Variants in ACLY observed in about 807,000 individuals in gnomAD.
ACLY encodes the protein ATP-citrate synthase.
Under a neutral mutation model 133.0 loss-of-function variants are expected in ACLY, and 41 were observed. The observed-to-expected ratio is 0.31, with a 90% confidence interval of 0.24 to 0.40. The LOEUF is 0.40. ACLY is among the 10% of genes least tolerant of loss of function. The pLI is 1.00. For synonymous variants in ACLY, 495 were observed against 549.3 expected (o/e 0.90, Z 1.38); for missense variants, 1,046 against 1,453.8 (o/e 0.72, Z 4.56).
intron 20 of ACLY, among the ~76,000 whole-genome samples, chr17:41,880,132 T>C (rs1555627072): frequency 6.6e-6 from 1 of 152,242 alleles, no homozygotes; most frequent in African/African-American, 2.4e-5. Context: ...TAGTACTATC[T>C]AACCTGTTTA....
Position 41,878,085 on chromosome 17 carries a change from G to A in ACLY, c.2487+18C>T. The A allele has an allele frequency of 1.3e-6, 2 of 1,509,236 alleles. No individual in the cohort carries two copies. Among genetic ancestry groups the A allele is most frequent in the East Asian group, 2.5e-5 (1 of 40,578 alleles). 93.5% of individuals were successfully genotyped at this position (1,509,236 alleles called of 1,614,324 possible). ...GATCTCCCTTGCTCACACTGTTAGA[G>A]ACATTTAAGGCACCTACCCTGGCCC... is the stretch of plus-strand genomic sequence containing the variant. On this transcript the variant is annotated intron_variant, in intron 22 of 28. Transcript: ENST00000352035.
intron 1 of ACLY, among the ~76,000 whole-genome samples, chr17:41,929,186 C>T (rs2050281759): frequency 6.6e-6 from 1 of 151,946 alleles, no homozygotes; most frequent in South Asian, 2.1e-4. Flanking sequence ...CCTCGACCTC[C>T]CACGCTCAAG....
chr17:41,903,599 A>C (rs1244137156), intron 10 of ACLY, among the ~76,000 whole-genome samples: 2 of 151,352 alleles, frequency 1.3e-5, no homozygotes, highest in Admixed American at 1.3e-4. Flanking sequence ...CTAAAAATAC[A>C]AAAAAAATTA....
chr17:41,912,268 G>T, intron 3 of ACLY, 152 bp downstream of exon 3: 1 of 923,338 alleles, frequency 1.1e-6, no homozygotes, highest in Non-Finnish European at 1.6e-6. Context: ...ACTGCTGGCA[G>T]CCACCTGAGT....
chr17:41,868,178 C>T (rs2048509458), intron 28 of ACLY, among the ~76,000 whole-genome samples: 1 of 151,826 alleles, frequency 6.6e-6, no homozygotes, highest in South Asian at 2.1e-4. Flanking sequence ...GTGGTTCACG[C>T]CTGTAATCCC....
upstream of ACLY, among the ~76,000 whole-genome samples, chr17:41,919,873 A>C (rs1417075545): frequency 2.0e-5 from 3 of 152,210 alleles, no homozygotes; most frequent in African/African-American, 7.2e-5. Context: ...AGAATATGTG[A>C]AATCAGTCCT....
At chr17:41,918,267 T>A (rs2050109008) in intron 1 of ACLY, among the ~76,000 whole-genome samples, 1 of 152,240 alleles carries the variant, frequency 6.6e-6, no homozygotes, top group African/African-American at 2.4e-5. Context: ...GGGTCCTTGC[T>A]GCGAGATTCC....
At chr17:41,882,174 C>G (rs1555627428) in intron 20 of ACLY, among the ~76,000 whole-genome samples, 1 of 151,744 alleles carries the variant, frequency 6.6e-6, no homozygotes, top group African/African-American at 2.4e-5. Flanking sequence ...CGAGACCAGC[C>G]TGACCAACAT....
At chr17:41,904,562 T>A in intron 10 of ACLY, 167 bp downstream of exon 10, 1 of 630,190 alleles carries the variant, frequency 1.6e-6, no homozygotes. Flanking sequence ...GCAGCTCCTG[T>A]CCCAGTGTCT....
At chr17:41,913,934 C>T (rs782315470) in intron 1 of ACLY, 38 bp from the exon 2 acceptor site, 5 of 1,597,420 alleles carry the variant, frequency 3.1e-6, no homozygotes, top group East Asian at 2.2e-5. Flanking sequence ...AGGGGGCAGG[C>T]GTGTGGAGGC....
chr17:41,868,265 C>T (rs985656575), intron 28 of ACLY, among the ~76,000 whole-genome samples: 1 of 151,582 alleles, frequency 6.6e-6, no homozygotes, highest in Non-Finnish European at 1.5e-5. Context: ...GGTGAAACCC[C>T]GTCTCTACTA....
In ACLY at chr17:41,909,685, C is replaced by G. The variant is rs782620289; in HGVS notation, c.361G>C (p.Val121Leu). 1.2e-6 allele frequency: 2 copies of G among 1,614,068 alleles called. No homozygotes were observed. Among genetic ancestry groups the G allele is most frequent in the Non-Finnish European group, 1.7e-6 (2 of 1,179,986 alleles). Residue 121 changes from valine to leucine, a missense_variant, in exon 5 of 29, where the codon GTC (valine) becomes CTC (leucine). Val to Leu is a conservative substitution (Grantham distance 32, BLOSUM62 1). Coordinates refer to ENST00000352035, the MANE Select transcript of ACLY (RefSeq NM_001096.3). ...CCTTCTCGGGTGGCATAGATGCAGA[C>G]ATAGAACTCCTCAGCCTTGCAGGTG... ...VPHSQAEEFY[V>L]CIYATREGDY...
intron 20 of ACLY, among the ~76,000 whole-genome samples, chr17:41,880,530 T>C (rs771951133): frequency 2.8e-4 from 43 of 152,194 alleles, no homozygotes; most frequent in Middle Eastern, 3.4e-3. Context: ...TTCTCAAAAC[T>C]AAAAACAAAA....
chr17:41,927,099 C>T (rs1254080833), intron 1 of ACLY, among the ~76,000 whole-genome samples: 3 of 152,168 alleles, frequency 2.0e-5, no homozygotes, highest in Non-Finnish European at 4.4e-5. Flanking sequence ...AACTCCCGAA[C>T]TCAGGTGATC....
chr17:41,868,621 A>G (rs2048524290), intron 28 of ACLY, 88 bp downstream of exon 28: 2 of 795,944 alleles, frequency 2.5e-6, no homozygotes, highest in African/African-American at 3.6e-5. Flanking sequence ...AAAAAGAAAG[A>G]AAAAGAAACT....
At position 41,878,130 on chromosome 17, in the gene ACLY, G is replaced by A. The variant is rs782744439; in HGVS notation, c.2460C>T (p.Thr820=). ...TGGCCCAGGAGTAGTCCATGGGCAC[G>A]GTTGGGGGCGGCACCTCCTGGGCAG... is the stretch of plus-strand genomic sequence containing the variant. The part of the protein sequence containing the change: ...IVPAQEVPPP[T]VPMDYSWARE... Residue 820 remains threonine (T), a synonymous_variant, in exon 22 of 29, where the codon ACC becomes ACT. Coordinates refer to ENST00000352035, the MANE Select transcript of ACLY (RefSeq NM_001096.3). 3.2e-6 allele frequency: 5 copies of A among 1,585,162 alleles called. No individual in the cohort carries two copies. The highest frequency in any genetic ancestry group is 1.7e-4 in the Middle Eastern group (1 of 5,978).
intron 18 of ACLY, 86 bp from the exon 19 acceptor site, chr17:41,884,360 G>A (rs2048996430): frequency 1.1e-6 from 1 of 871,586 alleles, no homozygotes; most frequent in Admixed American, 1.9e-5. Flanking sequence ...ACTTGTACTG[G>A]GTACACTGGA....
chr17:41,903,605 A>T (rs1259767608), intron 10 of ACLY, among the ~76,000 whole-genome samples: 2 of 151,828 alleles, frequency 1.3e-5, no homozygotes, highest in Admixed American at 1.3e-4. Flanking sequence ...ATACAAAAAA[A>T]ATTAGCCGGG....
chr17:41,874,296 G>GTC (rs1414667261), intron 22 of ACLY, among the ~76,000 whole-genome samples: 1 of 152,136 alleles, frequency 6.6e-6, no homozygotes, highest in Non-Finnish European at 1.5e-5. Context: ...GGGGACCAGA[G>GTC]TCTCTCTGTT....
Sources: gnomAD v4.1 joint callset for allele counts (sites outside exome capture counted in the v4.1 genomes callset) on GRCh38, gnomAD v4.1.1 for gene constraint, MANE v1.5 for transcripts, NCBI Gene and HGNC (gene_info 2026-07-23, HGNC 2026-07-21) for gene names.